PAQR3: variants seen among roughly 807,000 people sequenced by gnomAD.
PAQR3 encodes progestin and adipoQ receptor family member 3.
In PAQR3, 39 loss-of-function variants were observed where a neutral mutation model predicts 41.7. That is an observed-to-expected ratio of 0.93 (90% CI 0.72 to 1.22). The LOEUF is 1.22. Among genes scored for constraint, PAQR3 ranks in the 50% most tolerant of loss-of-function variants. The pLI is 0.00. For synonymous variants in PAQR3, 140 were observed against 140.6 expected, an observed-to-expected ratio of 1.00 and a Z score of 0.03; for missense variants, 366 against 385.6, an observed-to-expected ratio of 0.95 and a Z score of 0.42.
At position 78,919,418 on chromosome 4, in the gene PAQR3, A is replaced by G; in HGVS notation, c.*1121T>C. ...ATAGGGCAGTGAGTTCTATTTTTTA[A>G]GTATATACAATAAAAAGAAAGTTTA... On this transcript the variant is annotated 3_prime_UTR_variant, in exon 6 of 6. Coordinates refer to ENST00000512733, the MANE Select transcript of PAQR3 (RefSeq NM_001040202.2). 1.0e-6 allele frequency: 1 copy of G among 984,290 alleles called. No individual in the cohort carries two copies. Among genetic ancestry groups the G allele is most frequent in the African/African-American group, 1.7e-5 (1 of 57,288 alleles). The allele number at this position is 984,290 out of a possible 1,614,324, so 61.0% of individuals were successfully genotyped here.
chr4:78,918,683 A>G lies in PAQR3; in HGVS notation c.*1856T>C, dbSNP rs1735339242. 11 of 959,940 alleles carry G rather than the reference A, an allele frequency of 1.1e-5. No individual in the cohort carries two copies. The highest frequency in any genetic ancestry group is 1.2e-5 in the Non-Finnish European group (10 of 806,874). The allele number at this position is 959,940 out of a possible 1,614,324, so 59.5% of individuals were successfully genotyped here. On this transcript the variant is annotated 3_prime_UTR_variant, in exon 6 of 6. Transcript: ENST00000512733. ...ATATACTAATACAGGGACTGCAAAA[A>G]TTGAAATGATTCAATGTTTTTTTAT... is the stretch of plus-strand genomic sequence containing the variant.
chr4:78,893,728 A>T (rs1392702901), intron 11 of PAQR3, among the ~76,000 whole-genome samples: 1 of 152,080 alleles, frequency 6.6e-6, no homozygotes, highest in Non-Finnish European at 1.5e-5. Flanking sequence ...ACACCTGCGA[A>T]ATTCTTTAAA....
At chr4:78,930,535 G>A in intron 2 of PAQR3, 1 of 365,458 alleles carries the variant, frequency 2.7e-6, no homozygotes, top group South Asian at 1.3e-4. Flanking sequence ...TTCCCTCATG[G>A]GTAAAATGTA....
downstream of PAQR3, chr4:78,911,099 C>T: frequency 6.2e-7 from 1 of 1,613,938 alleles, no homozygotes; most frequent in Non-Finnish European, 8.5e-7. Context: ...GTGGAGACTC[C>T]CAAACAGGAG....
Position 78,930,257 on chromosome 4 carries a change from T to TC in PAQR3, c.416dup (p.Trp140MetfsTer28). On this transcript the variant is annotated frameshift_variant, in exon 3 of 6. Coordinates refer to ENST00000512733, the MANE Select transcript of PAQR3 (RefSeq NM_001040202.2). LOFTEE classifies it high-confidence loss of function. ...TTCCTGCATAATCTAATGCCATCCA[T>TC]CTTCGACATGTTTTTTCTGACCGAT... 6.2e-7 allele frequency: 1 copy of TC among 1,613,804 alleles called. No individual in the cohort carries two copies. The highest frequency in any genetic ancestry group is 8.5e-7 in the Non-Finnish European group (1 of 1,179,800).
intron 1 of PAQR3, among the ~76,000 whole-genome samples, chr4:78,937,451 G>A (rs1264864376): frequency 6.6e-6 from 1 of 152,140 alleles, no homozygotes; most frequent in Non-Finnish European, 1.5e-5. Context: ...CAGGAGTCCA[G>A]CACCACATCT....
In PAQR3 at chr4:78,912,481, CAGTT is replaced by C. The variant is rs1390163655; in HGVS notation, c.*8054_*8057del. 1.9e-5 allele frequency: 3 copies of C among 155,450 alleles called. No homozygotes were observed. Among genetic ancestry groups the C allele is most frequent in the African/African-American group, 7.2e-5 (3 of 41,432 alleles). 9.6% of individuals were successfully genotyped at this position (155,450 alleles called of 1,614,324 possible). ...TTTAAGGTCTCTTTTAATTTCCAGA[CAGTT>C]AAAAACAATCTAGTTATCTTAAAGC... On this transcript the variant is annotated 3_prime_UTR_variant, in exon 6 of 6. Coordinates refer to ENST00000512733, the MANE Select transcript of PAQR3 (RefSeq NM_001040202.2).
At chr4:78,893,803 A>G (rs996394459) in intron 11 of PAQR3, among the ~76,000 whole-genome samples, 4 of 152,220 alleles carry the variant, frequency 2.6e-5, no homozygotes, top group African/African-American at 9.6e-5. Flanking sequence ...GGCCTCAAGC[A>G]GCCCTCTCAC....
chr4:78,901,540 A>G (rs1381921802), intron 11 of PAQR3, among the ~76,000 whole-genome samples: 1 of 152,180 alleles, frequency 6.6e-6, no homozygotes, highest in African/African-American at 2.4e-5. Flanking sequence ...TGCCATTCCT[A>G]TTTTCACTAA....
chr4:78,905,922 A>C (rs575864604), intron 11 of PAQR3, among the ~76,000 whole-genome samples: 30 of 152,200 alleles, frequency 2.0e-4, no homozygotes, highest in African/African-American at 6.0e-4. Flanking sequence ...TTGTATAGTT[A>C]TAACCAACTT....
chr4:78,909,626 C>T (rs1301687122), downstream of PAQR3, among the ~76,000 whole-genome samples: 1 of 152,142 alleles, frequency 6.6e-6, no homozygotes, highest in Non-Finnish European at 1.5e-5. Context: ...GAAGCTGCTT[C>T]CAGCTTATCC....
chr4:78,896,347 T>TA (rs1553921197), intron 11 of PAQR3, among the ~76,000 whole-genome samples: 1 of 152,210 alleles, frequency 6.6e-6, no homozygotes, highest in Non-Finnish European at 1.5e-5. Context: ...TAATTGTACT[T>TA]ATATTTAAAA....
At chr4:78,937,562 G>A (rs768604931) in intron 1 of PAQR3, among the ~76,000 whole-genome samples, 2 of 152,052 alleles carry the variant, frequency 1.3e-5, no homozygotes, top group Admixed American at 6.5e-5. Flanking sequence ...ATTTATTGAC[G>A]GCTTATTAGG....
At chr4:78,938,974 G>T (rs908588575) in intron 1 of PAQR3, 66 bp downstream of exon 1, 3 of 1,432,600 alleles carry the variant, frequency 2.1e-6, no homozygotes, top group South Asian at 2.6e-5. Context: ...AAGCAGAAGG[G>T]GGACCAGACA....
chr4:78,923,985 C>T lies in PAQR3; in HGVS notation c.703-38G>A, dbSNP rs575562879. ...ACATGTTTTTTTACAGATCTTCCTA[C>T]TGTTACTGAACTCTAAATTTATTAT... On this transcript the variant is annotated intron_variant, in intron 4 of 5. Transcript: ENST00000512733. 19 of 1,402,740 alleles carry T rather than the reference C, an allele frequency of 1.4e-5. No individual in the cohort carries two copies. In the South Asian group the frequency reaches 1.7e-4, roughly 13 times the overall value. 86.9% of individuals were successfully genotyped at this position (1,402,740 alleles called of 1,614,324 possible).
Position 78,915,738 on chromosome 4 carries a change from G to T in PAQR3, c.*4801C>A, listed in dbSNP as rs1337386465. On this transcript the variant is annotated 3_prime_UTR_variant, in exon 6 of 6. Transcript: ENST00000512733. ...ATCTAAGAGAACATTCACTCCTAGT[G>T]AGGGTTTACAAAAGCTACTAAGAGA... 6.6e-6 allele frequency: 1 copy of T among 151,966 alleles called. No homozygotes were observed. The highest frequency in any genetic ancestry group is 2.4e-5 in the African/African-American group (1 of 41,414). 9.4% of individuals were successfully genotyped at this position (151,966 alleles called of 1,614,324 possible).
At chr4:78,909,876 C>T (rs927896616), downstream of PAQR3, among the ~76,000 whole-genome samples, 2 of 152,114 alleles carry the variant, frequency 1.3e-5, no homozygotes, top group African/African-American at 2.4e-5. Context: ...ATATTTCTTT[C>T]GTTGAATGAA....
In PAQR3 at chr4:78,914,694, G is replaced by C. The variant is rs183725142; in HGVS notation, c.*5845C>G. The C allele has an allele frequency of 3.0e-4, 44 of 148,976 alleles. No individual in the cohort carries two copies. Among genetic ancestry groups the C allele is most frequent in the Non-Finnish European group, 2.1e-4 (14 of 67,322 alleles). The allele number at this position is 148,976 out of a possible 1,614,324, so 9.2% of individuals were successfully genotyped here. A position where few individuals can be genotyped will look rare whatever the true frequency, so the allele number is the denominator to read the frequency against. ...ATTCTGGTTTAAGGAAGGAAGAAAGGTTATTATATATGTACCACTAAGCAA... is the reference window on the plus strand; with the variant it reads ...ATTCTGGTTTAAGGAAGGAAGAAAGCTTATTATATATGTACCACTAAGCAA... On this transcript the variant is annotated 3_prime_UTR_variant, in exon 6 of 6. Transcript: ENST00000512733.
Position 78,918,677 on chromosome 4 carries a change from G to GATTTAGTATACTAAAT in PAQR3, c.*1861_*1862insATTTAGTATACTAAAT. On this transcript the variant is annotated 3_prime_UTR_variant, in exon 6 of 6. Transcript: ENST00000512733. ...GTATTCATATACTAATACAGGGACT[G>GATTTAGTATACTAAAT]CAAAAATTGAAATGATTCAATGTTT... is the stretch of plus-strand genomic sequence containing the variant. The GATTTAGTATACTAAAT allele has an allele frequency of 9.4e-6, 9 of 956,348 alleles. No homozygotes were observed. Among genetic ancestry groups the GATTTAGTATACTAAAT allele is most frequent in the Non-Finnish European group, 1.1e-5 (9 of 803,598 alleles). 59.2% of individuals were successfully genotyped at this position (956,348 alleles called of 1,614,324 possible). A position where few individuals can be genotyped will look rare whatever the true frequency, so the allele number is the denominator to read the frequency against.
Sources: gnomAD v4.1 joint callset for allele counts (sites outside exome capture counted in the v4.1 genomes callset) on GRCh38, gnomAD v4.1.1 for gene constraint, MANE v1.5 for transcripts, NCBI Gene and HGNC (gene_info 2026-07-23, HGNC 2026-07-21) for gene names.